The following CSMD1 variants were observed in gnomAD, a reference collection of about 807,000 sequenced individuals.
The protein encoded by CSMD1 is CUB and sushi domain-containing protein 1.
In CSMD1, 213 loss-of-function variants were observed where a neutral mutation model predicts 417.5. The ratio of observed to expected loss-of-function variants is 0.51; its 90% CI spans 0.46 to 0.57. The LOEUF (loss-of-function observed/expected upper bound fraction) is 0.57. Ranked by LOEUF, CSMD1 falls within the 20% of genes least tolerant of loss-of-function variation. The pLI, the probability that CSMD1 is intolerant of heterozygous loss-of-function variation, is 0.00. For missense variants in CSMD1, 6,923 were observed against 4,529.7 expected (o/e 1.53, Z -15.17); for synonymous variants, 2,862 against 1,736.8 (o/e 1.65, Z -16.11).
At chr8:3,577,212 A>G (rs754969327) in intron 9 of CSMD1, among the ~76,000 whole-genome samples, 3 of 151,276 alleles carry the variant, frequency 2.0e-5, no homozygotes, top group Admixed American at 6.6e-5. Flanking sequence ...AAAATTGGCT[A>G]CCAGCATCTC....
intron 1 of CSMD1, among the ~76,000 whole-genome samples, chr8:4,700,109 A>G (rs1009058353): frequency 6.6e-6 from 1 of 152,160 alleles, no homozygotes; most frequent in Non-Finnish European, 1.5e-5. Context: ...CATTTTTCTA[A>G]TAAGTGGTGA....
At chr8:2,939,267 C>A (rs1405628854) in intron 69 of CSMD1, among the ~76,000 whole-genome samples, 11 of 152,210 alleles carry the variant, frequency 7.2e-5, no homozygotes, top group Admixed American at 1.3e-4. Context: ...GGGTTGTGGG[C>A]ATATGCCTAG....
At chr8:4,810,009 G>T (rs1018039790) in intron 1 of CSMD1, among the ~76,000 whole-genome samples, 8 of 152,154 alleles carry the variant, frequency 5.3e-5, no homozygotes, top group African/African-American at 1.7e-4. Flanking sequence ...GTGAATATAT[G>T]CCAAGTGCTT....
chr8:3,710,774 G>A (rs7462890), intron 6 of CSMD1, among the ~76,000 whole-genome samples: 50,098 of 151,898 alleles, frequency 0.33, 8,416 homozygotes, highest in East Asian at 0.49. Flanking sequence ...TTATGACACC[G>A]CCAGCTCATA....
At chr8:4,934,830 T>C (rs1263296018) in intron 1 of CSMD1, among the ~76,000 whole-genome samples, 6 of 152,126 alleles carry the variant, frequency 3.9e-5, no homozygotes, top group African/African-American at 1.2e-4. Flanking sequence ...CAATCACCTA[T>C]CATCCATCTA....
intron 2 of CSMD1, among the ~76,000 whole-genome samples, chr8:4,499,343 T>C (rs1802135205): frequency 6.6e-6 from 1 of 152,142 alleles, no homozygotes; most frequent in Non-Finnish European, 1.5e-5. Context: ...TATGGGGAAG[T>C]GTGAGCTCTT....
intron 7 of CSMD1, among the ~76,000 whole-genome samples, chr8:3,634,934 C>A (rs1035783108): frequency 6.6e-6 from 1 of 152,112 alleles, no homozygotes; most frequent in Non-Finnish European, 1.5e-5. Context: ...TACAAACTCA[C>A]ACCACATGTG....
intron 37 of CSMD1, 133 bp from the exon 38 acceptor site, chr8:3,162,410 T>G: frequency 1.5e-6 from 1 of 648,066 alleles, no homozygotes; most frequent in Non-Finnish European, 2.7e-6. Flanking sequence ...TCTCTTGTTA[T>G]TCTACCAAGA....
intron 12 of CSMD1, among the ~76,000 whole-genome samples, chr8:3,457,449 C>T (rs1816224731): frequency 1.3e-5 from 2 of 152,214 alleles, no homozygotes; most frequent in Admixed American, 6.5e-5. Flanking sequence ...AAACGGAGCT[C>T]CACATGCTCA....
At chr8:3,325,184 T>C (rs1039116167) in intron 23 of CSMD1, among the ~76,000 whole-genome samples, 1 of 152,226 alleles carries the variant, frequency 6.6e-6, no homozygotes, top group Non-Finnish European at 1.5e-5. Context: ...CAGTGTTTTC[T>C]TCCTGAGACG....
chr8:3,612,555 C>T (rs1286616210), intron 8 of CSMD1, among the ~76,000 whole-genome samples: 1 of 152,014 alleles, frequency 6.6e-6, no homozygotes, highest in African/African-American at 2.4e-5. Flanking sequence ...ATATTCTTGC[C>T]CATAAAGCAA....
intron 3 of CSMD1, among the ~76,000 whole-genome samples, chr8:4,055,732 G>C (rs541668403): frequency 2.6e-4 from 40 of 152,206 alleles, no homozygotes; most frequent in African/African-American, 9.4e-4. Context: ...AAAACTTGCT[G>C]TCATCCACAA....
intron 3 of CSMD1, among the ~76,000 whole-genome samples, chr8:4,382,454 T>G (rs951232551): frequency 3.3e-5 from 5 of 152,182 alleles, no homozygotes; most frequent in Admixed American, 6.5e-5. Flanking sequence ...CTTGTTACTT[T>G]ATAATATAGA....
intron 2 of CSMD1, among the ~76,000 whole-genome samples, chr8:4,530,760 G>T (rs1470782213): frequency 1.3e-5 from 2 of 151,036 alleles, no homozygotes; most frequent in Non-Finnish European, 2.9e-5. Flanking sequence ...GGGCATTTGG[G>T]TTGCTTCCAA....
At chr8:4,734,799 C>A (rs188293878) in intron 1 of CSMD1, among the ~76,000 whole-genome samples, 5 of 152,040 alleles carry the variant, frequency 3.3e-5, no homozygotes, top group Non-Finnish European at 5.9e-5. Flanking sequence ...TTTTTAAGAC[C>A]TCTCAAGGAC....
intron 1 of CSMD1, among the ~76,000 whole-genome samples, chr8:4,935,842 A>G (rs564218752): frequency 2.6e-5 from 4 of 152,356 alleles, no homozygotes; most frequent in African/African-American, 9.6e-5. Flanking sequence ...TACCAAAAGC[A>G]GATTCAAACG....
chr8:4,421,801 A>C (rs1052822573), intron 2 of CSMD1, among the ~76,000 whole-genome samples: 1 of 152,106 alleles, frequency 6.6e-6, no homozygotes, highest in African/African-American at 2.4e-5. Context: ...AAACTAAAGC[A>C]AACAGAAAGC....
intron 5 of CSMD1, among the ~76,000 whole-genome samples, chr8:3,970,822 T>G (rs2627452): frequency 0.71 from 108,158 of 151,970 alleles, 39,074 homozygotes; most frequent in East Asian, 0.94. Flanking sequence ...GCACCATCTG[T>G]CTCACTGCAA....
At chr8:4,683,227 G>A (rs1259952440) in intron 1 of CSMD1, among the ~76,000 whole-genome samples, 1 of 151,940 alleles carries the variant, frequency 6.6e-6, no homozygotes, top group Non-Finnish European at 1.5e-5. Flanking sequence ...ACCATGAAGA[G>A]TCTAATGATC....
Sources: allele counts gnomAD v4.1 joint callset (sites outside exome capture counted in the v4.1 genomes callset), GRCh38; gene constraint gnomAD v4.1.1; transcripts MANE v1.5; gene names NCBI Gene and HGNC (gene_info 2026-07-23, HGNC 2026-07-21).